Variants in RBFOX1 observed in about 807,000 individuals in gnomAD.
RBFOX1 encodes the protein RNA binding protein fox-1 homolog 1.
Under a neutral mutation model 57.7 loss-of-function variants are expected in RBFOX1, and 8 were observed. That is an observed-to-expected ratio of 0.14 (90% CI 0.08 to 0.25). The LOEUF (loss-of-function observed/expected upper bound fraction) is 0.25. RBFOX1 is among the 10% of genes least tolerant of loss of function. The probability of loss-of-function intolerance (pLI) is 1.00; values close to 1 mark genes in which losing one functional copy is unlikely to be tolerated. For missense variants in RBFOX1, 611 were observed against 548.5 expected (o/e 1.11, Z -1.14); for synonymous variants, 326 against 222.4 (o/e 1.47, Z -4.15).
At chr16:6,078,278 AAGAGCAAGCCTCT>A (rs1327463797) in intron 1 of RBFOX1, among the ~76,000 whole-genome samples, 1 of 152,196 alleles carries the variant, frequency 6.6e-6, no homozygotes, top group African/African-American at 2.4e-5. Context: ...TATGTTGGTT[AAGAGCAAGCCTCT>A]AGAGCAAGCT....
chr16:7,191,277 A>G (rs908492131), intron 4 of RBFOX1, among the ~76,000 whole-genome samples: 1 of 152,176 alleles, frequency 6.6e-6, no homozygotes, highest in Non-Finnish European at 1.5e-5. Context: ...GTCATGGCAC[A>G]TCAGAAAGTT....
chr16:6,424,556 A>G (rs1407829085), intron 2 of RBFOX1, among the ~76,000 whole-genome samples: 1 of 151,850 alleles, frequency 6.6e-6, no homozygotes, highest in African/African-American at 2.4e-5. Flanking sequence ...ATCCAACTTC[A>G]CTTGTTAATA....
chr16:7,701,438 G>C (rs777718045), intron 14 of RBFOX1, among the ~76,000 whole-genome samples: 1 of 152,148 alleles, frequency 6.6e-6, no homozygotes, highest in Non-Finnish European at 1.5e-5. Context: ...TGTAAACTGT[G>C]CATGTGAGGC....
At chr16:5,920,005 C>A (rs1029596248) in intron 4 of RBFOX1, among the ~76,000 whole-genome samples, 1 of 152,196 alleles carries the variant, frequency 6.6e-6, no homozygotes, top group Admixed American at 6.5e-5. Flanking sequence ...GTGGCGCGAT[C>A]TCACTGCAAG....
intron 3 of RBFOX1, among the ~76,000 whole-genome samples, chr16:5,768,714 G>A (rs990575025): frequency 6.6e-6 from 1 of 152,154 alleles, no homozygotes; most frequent in African/African-American, 2.4e-5. Flanking sequence ...AGCCCACGTA[G>A]GTGCTGTTGA....
At chr16:6,816,657 G>C (rs561451302) in intron 3 of RBFOX1, among the ~76,000 whole-genome samples, 4 of 150,502 alleles carry the variant, frequency 2.7e-5, no homozygotes, top group African/African-American at 9.8e-5. Context: ...GGAGAATGGC[G>C]TGAACCCGGG....
At chr16:6,361,582 C>T (rs774647200) in intron 2 of RBFOX1, among the ~76,000 whole-genome samples, 22 of 150,708 alleles carry the variant, frequency 1.5e-4, no homozygotes, top group Non-Finnish European at 2.1e-4. Context: ...GAGCCAAGAT[C>T]GCGCCACTGC....
At chr16:5,722,930 G>T (rs12325527) in intron 3 of RBFOX1, among the ~76,000 whole-genome samples, 63,359 of 151,966 alleles carry the variant, frequency 0.42, 15,858 homozygotes, top group East Asian at 0.8. Flanking sequence ...CATATTTAAT[G>T]ATCGGTTTGG....
rs551809714 is a variant in RBFOX1 at position 5,910,144 on chromosome 16, C to G, written c.351+42809C>G. ...CCAACCTGCTCAGAGGCAACTTGAT[C>G]ACATGGGGGTTTGTGAAGCCTTTTC... is the stretch of plus-strand genomic sequence containing the variant. On this transcript the variant is annotated intron_variant, in intron 4 of 19. Coordinates refer to the RBFOX1 transcript ENST00000641259. Among the ~76,000 whole-genome samples, 6 of 152,198 alleles carry G rather than the reference C, an allele frequency of 3.9e-5. No individual in the cohort carries two copies. The East Asian group carries it at 9.7e-4, about 25-fold the overall frequency.
chr16:5,657,934 C>T (rs375453226), intron 3 of RBFOX1, among the ~76,000 whole-genome samples: 16 of 151,864 alleles, frequency 1.1e-4, no homozygotes, highest in African/African-American at 3.6e-4. Context: ...GTTTCGCCAC[C>T]TTGGCCAGGC....
intron 3 of RBFOX1, among the ~76,000 whole-genome samples, chr16:5,690,298 T>C (rs956215626): frequency 6.6e-6 from 1 of 152,178 alleles, no homozygotes; most frequent in Non-Finnish European, 1.5e-5. Flanking sequence ...GTATGATGGA[T>C]TGCATCCTCT....
chr16:7,555,415 A>G (rs112032117), intron 5 of RBFOX1, among the ~76,000 whole-genome samples: 1 of 152,194 alleles, frequency 6.6e-6, no homozygotes, highest in African/African-American at 2.4e-5. Context: ...GTTCTGATAA[A>G]TGCACGTAGT....
chr16:7,020,881 C>T (rs1225433093), intron 3 of RBFOX1, among the ~76,000 whole-genome samples: 2 of 152,206 alleles, frequency 1.3e-5, no homozygotes, highest in Non-Finnish European at 2.9e-5. Context: ...AATCCCAGAA[C>T]TTTGCGATGC....
chr16:7,338,511 C>G (rs2096835165), intron 4 of RBFOX1, among the ~76,000 whole-genome samples: 1 of 152,124 alleles, frequency 6.6e-6, no homozygotes, highest in African/African-American at 2.4e-5. Flanking sequence ...TCCTCAGCCT[C>G]CTGAGTAGCT....
chr16:5,457,362 T>A (rs112342476), intron 1 of RBFOX1, among the ~76,000 whole-genome samples: 23,072 of 152,202 alleles, frequency 0.15, 1,812 homozygotes, highest in Middle Eastern at 0.27. Flanking sequence ...CTCGAACTTC[T>A]GACCTCAGGT....
intron 4 of RBFOX1, among the ~76,000 whole-genome samples, chr16:7,144,292 A>T (rs1600855566): frequency 6.6e-6 from 1 of 152,146 alleles, no homozygotes; most frequent in Non-Finnish European, 1.5e-5. Context: ...GAATTGATAT[A>T]TGCACAAAGA....
chr16:7,212,110 C>G (rs6500929), intron 4 of RBFOX1, among the ~76,000 whole-genome samples: 91,250 of 151,922 alleles, frequency 0.6, 28,124 homozygotes, highest in African/African-American at 0.73. Flanking sequence ...AAAAGAGAAT[C>G]ATGCATGGAA....
chr16:7,080,611 G>T (rs961943601), intron 4 of RBFOX1, among the ~76,000 whole-genome samples: 4 of 151,984 alleles, frequency 2.6e-5, no homozygotes, highest in Admixed American at 2.6e-4. Context: ...TTTTTTCATG[G>T]TCCATGTTCT....
intron 4 of RBFOX1, among the ~76,000 whole-genome samples, chr16:7,311,328 A>C (rs779289187): frequency 6.6e-6 from 1 of 152,054 alleles, no homozygotes; most frequent in Non-Finnish European, 1.5e-5. Flanking sequence ...TCAGAAGGTT[A>C]GTGTGTGTTC....
Sources: gnomAD v4.1 joint callset for allele counts (sites outside exome capture counted in the v4.1 genomes callset) on GRCh38, gnomAD v4.1.1 for gene constraint, MANE v1.5 for transcripts, NCBI Gene and HGNC (gene_info 2026-07-23, HGNC 2026-07-21) for gene names.